Variants in BCAS3 observed in about 807,000 individuals in gnomAD.
BCAS3 encodes the protein BCAS4/BCAS3 fusion.
A neutral mutation model predicts 116.1 loss-of-function variants in BCAS3; 53 were observed. The observed-to-expected ratio is 0.46, with a 90% CI of 0.37 to 0.57. BCAS3 has a LOEUF of 0.57. Among genes scored for constraint, BCAS3 ranks in the 20% least tolerant of loss-of-function variants. BCAS3 has a pLI of 0.00. For missense variants in BCAS3, 917 were observed against 1,165.4 expected (o/e 0.79, Z 3.10); for synonymous variants, 391 against 408.2 (o/e 0.96, Z 0.51).
intron 19 of BCAS3, among the ~76,000 whole-genome samples, chr17:61,049,730 CTTT>C (rs1027378849): frequency 8.3e-6 from 1 of 120,824 alleles, no homozygotes. Context: ...CTTTTCTTTT[CTTT>C]TTTTTTTTTT....
In BCAS3 at chr17:60,884,756, G is replaced by A. The variant is rs1428749996; in HGVS notation, c.662-4939G>A. ...AGTTTCCATGTAGTTGAGTGGCTTT[G>A]AGTGAGATTCTTAATCCTGAGTTCT... On this transcript the variant is annotated intron_variant, in intron 9 of 23. Coordinates refer to ENST00000407086, the MANE Select transcript of BCAS3 (RefSeq NM_017679.5). Among the ~76,000 whole-genome samples the A allele has an allele frequency of 8.2e-5, 12 of 146,204 alleles. No individual in the cohort carries two copies. In the East Asian group the frequency reaches 1.8e-3, roughly 22 times the overall value.
chr17:60,757,251 G>A lies in BCAS3; in HGVS notation c.403+9972G>A, dbSNP rs540554976. Among the ~76,000 whole-genome samples, 12 of 151,958 alleles carry A rather than the reference G, an allele frequency of 7.9e-5. No individual in the cohort carries two copies. In the East Asian group the frequency reaches 1.5e-3, roughly 20 times the overall value. ...AATTGCTTGAACCTAGGAGGCAGAGGTTGCAGTGAGCTGAGATCGCACCAC... is the reference window on the plus strand; with the variant it reads ...AATTGCTTGAACCTAGGAGGCAGAGATTGCAGTGAGCTGAGATCGCACCAC... On this transcript the variant is annotated intron_variant, in intron 6 of 23. Transcript: ENST00000407086.
chr17:61,039,692 A>AT (rs1000612514), intron 18 of BCAS3, among the ~76,000 whole-genome samples: 1 of 152,190 alleles, frequency 6.6e-6, no homozygotes, highest in Non-Finnish European at 1.5e-5. Context: ...AAGTGCTGGG[A>AT]TTACAGGCGT....
rs181998891 is a variant in BCAS3, at chr17:61,167,121, A to G, written c.2425+82557A>G. ...ATTGAATGCTTATTGTGTTTTTAGC[A>G]GTGTGGGAGGTGAGAAAACTTTTCC... On this transcript the variant is annotated intron_variant, in intron 22 of 23. Transcript: ENST00000407086. Among the ~76,000 whole-genome samples the G allele has an allele frequency of 2.7e-4, 41 of 152,322 alleles. No individual in the cohort carries two copies. In the East Asian group the frequency reaches 7.3e-3, roughly 27 times the overall value.
At chr17:60,756,646 T>C (rs1329398353) in intron 6 of BCAS3, among the ~76,000 whole-genome samples, 4 of 152,226 alleles carry the variant, frequency 2.6e-5, no homozygotes, top group African/African-American at 9.6e-5. Context: ...TCTGTATATA[T>C]ACCACATTTT....
At position 61,026,948 on chromosome 17, in the gene BCAS3, G is replaced by T. The variant is rs2066289411; in HGVS notation, c.1638-7718G>T. 1 of 1,571,208 alleles carries T rather than the reference G, an allele frequency of 6.4e-7. No homozygotes were observed. Among genetic ancestry groups the T allele is most frequent in the Non-Finnish European group, 8.7e-7 (1 of 1,152,512 alleles). The stretch of plus-strand genomic sequence containing the variant: ...TCAGTCCCGCATGCCTCATTCATTT[G>T]CTGTACTCTCAAAAAGTAATTTGTT... On this transcript the variant is annotated intron_variant, in intron 16 of 23. Coordinates refer to ENST00000407086, the MANE Select transcript of BCAS3 (RefSeq NM_017679.5). This position sits in a 1 kb window ranked among gnomAD's most constrained non-coding sequence, Gnocchi z 5.0.
intron 22 of BCAS3, among the ~76,000 whole-genome samples, chr17:61,194,314 T>C (rs536659008): frequency 2.0e-5 from 3 of 152,300 alleles, no homozygotes; most frequent in African/African-American, 7.2e-5. Flanking sequence ...ACAGACTTTG[T>C]CATTGGTTAA....
At chr17:60,861,844 G>C (rs1397178837) in intron 7 of BCAS3, among the ~76,000 whole-genome samples, 4 of 152,138 alleles carry the variant, frequency 2.6e-5, no homozygotes, top group Non-Finnish European at 4.4e-5. Flanking sequence ...AAGCTTACTT[G>C]ATCATGGTGG....
chr17:61,041,279 G>A lies in BCAS3; in HGVS notation c.2029+387G>A, dbSNP rs955466047. 5.3e-5 allele frequency among the ~76,000 whole-genome samples: 8 copies of A among 151,132 alleles called. No individual in the cohort carries two copies. The highest frequency in any genetic ancestry group is 6.8e-3 in the Middle Eastern group (2 of 292). ...CCCAAAACTTAGCACAGTTAAAAGT[G>A]CAACTATGAAAACAATGCCAGCAGG... On this transcript the variant is annotated intron_variant, in intron 19 of 23. Coordinates refer to ENST00000407086, the MANE Select transcript of BCAS3 (RefSeq NM_017679.5). This position sits in a 1 kb window ranked among gnomAD's most constrained non-coding sequence, Gnocchi z 4.7.
intron 22 of BCAS3, among the ~76,000 whole-genome samples, chr17:61,108,011 A>C (rs909728836): frequency 1.1e-4 from 16 of 152,250 alleles, no homozygotes; most frequent in Non-Finnish European, 1.6e-4. Context: ...GTTGAGAAAG[A>C]ATTATTGAAG....
rs967611115 is a variant in BCAS3 at position 61,029,312 on chromosome 17, G to A, written c.1638-5354G>A. Among the ~76,000 whole-genome samples the A allele has an allele frequency of 3.0e-4, 45 of 151,810 alleles. No individual in the cohort carries two copies. The highest frequency in any genetic ancestry group is 7.2e-4 in the African/African-American group (30 of 41,380). On this transcript the variant is annotated intron_variant, in intron 16 of 23. Transcript: ENST00000407086. This position sits in a 1 kb window ranked among gnomAD's most constrained non-coding sequence, Gnocchi z 5.2. ...ACATTCATATACTTTCAGATGAGTC[G>A]TTATAAAATACAGTCGTTCCCTTTG...
At chr17:61,079,033 C>T (rs866592112) in intron 21 of BCAS3, among the ~76,000 whole-genome samples, 2 of 151,806 alleles carry the variant, frequency 1.3e-5, no homozygotes, top group African/African-American at 2.4e-5. Context: ...TTGTAGGAAT[C>T]CTAGGACAGG....
intron 14 of BCAS3, among the ~76,000 whole-genome samples, chr17:60,966,626 T>C (rs1246659667): frequency 6.6e-5 from 10 of 151,188 alleles, no homozygotes; most frequent in Non-Finnish European, 1.2e-4. Context: ...ATAAAGAACA[T>C]GTAAAAAAAA....
rs1386149804 is a variant in BCAS3, at chr17:60,814,312, C to CGCGCGT, written c.476+6237_476+6238insCGCGTG. 1.3e-3 allele frequency among the ~76,000 whole-genome samples: 178 copies of CGCGCGT among 138,658 alleles called. 1 individual carries two copies. The highest frequency in any genetic ancestry group is 5.0e-3 in the African/African-American group (167 of 33,602). The allele number at this position is 138,658 out of a possible 152,430, so 91.0% of individuals were successfully genotyped here. On this transcript the variant is annotated intron_variant, in intron 7 of 23. Transcript: ENST00000407086. ...GTGTGTGTGTGTGTGTGTGTGCGCG[C>CGCGCGT]GTGCCCATTGCAAATGGGATTGCAT... is the stretch of plus-strand genomic sequence containing the variant.
At chr17:60,881,452 T>A (rs529601130) in intron 9 of BCAS3, among the ~76,000 whole-genome samples, 1 of 151,792 alleles carries the variant, frequency 6.6e-6, no homozygotes, top group South Asian at 2.1e-4. Context: ...TTTTTTTTTT[T>A]ATTATACTTT....
rs2066875592 is a variant in BCAS3 at position 61,034,598 on chromosome 17, CTG to C, written c.1638-66_1638-65del. ...ATAGGGGTGGAATTTAAAGGAAAAA[CTG>C]TCATTACCTAAAGGAGTATCATTTC... On this transcript the variant is annotated intron_variant, in intron 16 of 23. Coordinates refer to ENST00000407086, the MANE Select transcript of BCAS3 (RefSeq NM_017679.5). The surrounding 1 kb of genome is among the most constrained non-coding windows in gnomAD (Gnocchi z 5.0). The C allele has an allele frequency of 2.1e-6, 3 of 1,412,472 alleles. No homozygotes were observed. The allele number at this position is 1,412,472 out of a possible 1,614,324, so 87.5% of individuals were successfully genotyped here.
chr17:60,938,712 A>AGATAGATAGATAGATG (rs200670258), intron 13 of BCAS3, among the ~76,000 whole-genome samples: 1 of 32,662 alleles, frequency 3.1e-5, no homozygotes, highest in Non-Finnish European at 6.9e-5. Context: ...TTCTGATAGA[A>AGATAGATAGATAGATG]GATAGATAGA....
intron 19 of BCAS3, among the ~76,000 whole-genome samples, chr17:61,044,465 A>AATATATATATATATAT (rs1555683922): frequency 2.1e-4 from 25 of 120,092 alleles, no homozygotes; most frequent in African/African-American, 1.1e-3. Flanking sequence ...AAAAAAAAAA[A>AATATATATATATATAT]ATATATATAT....
At chr17:61,216,239 C>CA (rs2081777622) in intron 22 of BCAS3, among the ~76,000 whole-genome samples, 1 of 152,102 alleles carries the variant, frequency 6.6e-6, no homozygotes, top group Admixed American at 6.5e-5. Context: ...AAGTTCAGGA[C>CA]GGCCTGAGAC....
Sources: gnomAD v4.1 joint callset for allele counts (sites outside exome capture counted in the v4.1 genomes callset) on GRCh38, gnomAD v4.1.1 for gene constraint, Gnocchi (gnomAD v3.1) non-coding constraint, MANE v1.5 for transcripts, NCBI Gene and HGNC (gene_info 2026-07-23, HGNC 2026-07-21) for gene names.